SFSWAP: variants seen among roughly 807,000 people sequenced by gnomAD.
SFSWAP encodes the protein splicing factor, suppressor of white-apricot homolog.
Under a neutral mutation model 100.7 loss-of-function variants are expected in SFSWAP, and 17 were observed. That is an observed-to-expected ratio of 0.17 (90% CI 0.12 to 0.25). The LOEUF (loss-of-function observed/expected upper bound fraction) is 0.25. SFSWAP is among the 10% of genes least tolerant of loss of function. The pLI, the probability that SFSWAP is intolerant of heterozygous loss-of-function variation, is 1.00. For synonymous variants in SFSWAP, 504 were observed against 510.1 expected, an observed-to-expected ratio of 0.99 and a Z score of 0.16; for missense variants, 1,005 against 1,262.6, an observed-to-expected ratio of 0.80 and a Z score of 3.09.
chr12:131,711,840 C>CCGCGCTCTCA lies in SFSWAP; in HGVS notation c.218+395_218+404dup, dbSNP rs1254281977. The stretch of plus-strand genomic sequence containing the variant: ...GGGTCGTGCGCTGCTTTTCTACTTG[C>CCGCGCTCTCA]CGCGCTCTCACTGCTCGGTGTACTG... On this transcript the variant is annotated intron_variant, in intron 1 of 17. Coordinates refer to ENST00000261674, the MANE Select transcript of SFSWAP (RefSeq NM_004592.4). This position sits in a 1 kb window ranked among gnomAD's most constrained non-coding sequence, Gnocchi z 4.9. 4.5e-6 allele frequency: 1 copy of CCGCGCTCTCA among 222,796 alleles called. No individual in the cohort carries two copies. Among genetic ancestry groups the CCGCGCTCTCA allele is most frequent in the African/African-American group, 2.3e-5 (1 of 43,416 alleles). The allele number at this position is 222,796 out of a possible 1,614,324, so 13.8% of individuals were successfully genotyped here.
At chr12:131,729,984 AC>A (rs1286511510) in intron 7 of SFSWAP, among the ~76,000 whole-genome samples, 1 of 152,176 alleles carries the variant, frequency 6.6e-6, no homozygotes, top group Non-Finnish European at 1.5e-5. Flanking sequence ...CCCCCCAAAA[AC>A]CTTTTAAAGC....
chr12:131,728,778 G>T (rs1453402049), intron 7 of SFSWAP, among the ~76,000 whole-genome samples: 1 of 151,616 alleles, frequency 6.6e-6, no homozygotes, highest in Non-Finnish European at 1.5e-5. Flanking sequence ...ATGGTTCACG[G>T]CAGCCTGACC....
At position 131,756,591 on chromosome 12, in the gene SFSWAP, GGAA is replaced by G. The variant is rs779117222; in HGVS notation, c.1672_1674del (p.Lys558del). ...GTGGGAGCACGGGCAGGCTCAGGCG[GGAA>G]GAAGGAGGCATCGTCCAGTAAGACC... On this transcript the variant is annotated inframe_deletion, in exon 11 of 18. Transcript: ENST00000261674. 6.2e-7 allele frequency: 1 copy of G among 1,612,628 alleles called. No individual in the cohort carries two copies. The highest frequency in any genetic ancestry group is 1.1e-5 in the South Asian group (1 of 90,936).
chr12:131,782,381 A>T (rs1884567697), intron 14 of SFSWAP, among the ~76,000 whole-genome samples: 1 of 152,234 alleles, frequency 6.6e-6, no homozygotes, highest in Non-Finnish European at 1.5e-5. Flanking sequence ...CTCCTCAGTA[A>T]TATGAATTAT....
chr12:131,763,282 C>T (rs1007897884), intron 11 of SFSWAP, among the ~76,000 whole-genome samples: 4 of 152,204 alleles, frequency 2.6e-5, no homozygotes, highest in African/African-American at 4.8e-5. Flanking sequence ...CCAGAAGCGG[C>T]CTTGTTTACC....
At chr12:131,796,209 G>A (rs1885665692) in intron 15 of SFSWAP, 1 of 152,448 alleles carries the variant, frequency 6.6e-6, no homozygotes, top group African/African-American at 2.4e-5. Context: ...GGCACCTCAG[G>A]GCCTGGAGGG....
At chr12:131,747,103 C>T (rs1415955691) in intron 7 of SFSWAP, among the ~76,000 whole-genome samples, 1 of 96,914 alleles carries the variant, frequency 1.0e-5, no homozygotes, top group Non-Finnish European at 2.0e-5. Flanking sequence ...GACTCTGTCT[C>T]AAAAAAAAAA....
intron 14 of SFSWAP, among the ~76,000 whole-genome samples, chr12:131,782,210 A>G (rs1884557958): frequency 6.6e-6 from 1 of 152,230 alleles, no homozygotes; most frequent in Non-Finnish European, 1.5e-5. Flanking sequence ...ATTCTGCCTC[A>G]GCTCTTCTGG....
chr12:131,767,186 C>A (rs540435949), intron 13 of SFSWAP, among the ~76,000 whole-genome samples: 4 of 151,580 alleles, frequency 2.6e-5, no homozygotes, highest in African/African-American at 9.7e-5. Context: ...GGCTCCTGTG[C>A]CAAGGGGATT....
intron 7 of SFSWAP, among the ~76,000 whole-genome samples, chr12:131,740,396 C>G (rs1880491270): frequency 6.6e-6 from 1 of 152,158 alleles, no homozygotes; most frequent in African/African-American, 2.4e-5. Context: ...TCTTTCTGAC[C>G]CAACACATCT....
At chr12:131,775,706 G>A (rs1883964277) in intron 13 of SFSWAP, among the ~76,000 whole-genome samples, 1 of 152,100 alleles carries the variant, frequency 6.6e-6, no homozygotes, top group Non-Finnish European at 1.5e-5. Context: ...TTGCTTGTGG[G>A]CAAATCCTGA....
chr12:131,718,425 A>G (rs1878135784), intron 3 of SFSWAP, among the ~76,000 whole-genome samples: 1 of 152,210 alleles, frequency 6.6e-6, no homozygotes. Context: ...TGTACATTTC[A>G]GTGTGTCTTT....
intron 1 of SFSWAP, chr12:131,712,895 TAGGTCTTCCAAAACTG>T (rs1330304917): frequency 6.6e-6 from 1 of 152,204 alleles, no homozygotes; most frequent in African/African-American, 2.4e-5. Context: ...TGATTTGAGT[TAGGTCTTCCAAAACTG>T]GTGGGGAGCA....
intron 13 of SFSWAP, among the ~76,000 whole-genome samples, chr12:131,776,259 C>G (rs1884015784): frequency 6.6e-6 from 1 of 152,192 alleles, no homozygotes; most frequent in Non-Finnish European, 1.5e-5. Flanking sequence ...TAGGCAGAGA[C>G]TTAAAGATGA....
intron 14 of SFSWAP, among the ~76,000 whole-genome samples, chr12:131,782,376 C>T (rs1394649977): frequency 6.6e-6 from 1 of 152,088 alleles, no homozygotes; most frequent in South Asian, 2.1e-4. Flanking sequence ...GTGATCTCCT[C>T]AGTAATATGA....
At chr12:131,737,292 G>T (rs1880125412) in intron 7 of SFSWAP, among the ~76,000 whole-genome samples, 1 of 152,150 alleles carries the variant, frequency 6.6e-6, no homozygotes, top group Non-Finnish European at 1.5e-5. Flanking sequence ...TTCTGTATCG[G>T]CACCTAAAAG....
At chr12:131,732,427 T>C (rs1043690951) in intron 7 of SFSWAP, among the ~76,000 whole-genome samples, 1 of 152,180 alleles carries the variant, frequency 6.6e-6, no homozygotes, top group Admixed American at 6.5e-5. Flanking sequence ...GGGCTCTGTC[T>C]GATGAGCCTT....
At chr12:131,776,954 A>G (rs1349963000) in intron 13 of SFSWAP, among the ~76,000 whole-genome samples, 2 of 152,166 alleles carry the variant, frequency 1.3e-5, no homozygotes, top group African/African-American at 2.4e-5. Flanking sequence ...TGCATTGAAG[A>G]TTCATATGCT....
chr12:131,755,190 G>A (rs941835588), intron 9 of SFSWAP, among the ~76,000 whole-genome samples, 196 bp from the exon 10 acceptor site: 2 of 152,148 alleles, frequency 1.3e-5, no homozygotes, highest in Non-Finnish European at 2.9e-5. Flanking sequence ...CACATTTGCA[G>A]CGTGACCTGT....
Sources: gnomAD v4.1 joint callset for allele counts (sites outside exome capture counted in the v4.1 genomes callset) on GRCh38, gnomAD v4.1.1 for gene constraint, Gnocchi (gnomAD v3.1) non-coding constraint, MANE v1.5 for transcripts, NCBI Gene and HGNC (gene_info 2026-07-23, HGNC 2026-07-21) for gene names.